LHCGR: variants seen among roughly 807,000 people sequenced by gnomAD.
LHCGR encodes lutropin-choriogonadotropic hormone receptor.
LHCGR carries 55 observed loss-of-function variants against 60.7 expected under a neutral mutation model. The ratio of observed to expected loss-of-function variants is 0.91; its 90% confidence interval spans 0.73 to 1.13. The LOEUF (loss-of-function observed/expected upper bound fraction) is 1.13, where lower values mean the gene tolerates loss of function less well. Ranked by LOEUF, LHCGR falls within the 50% of genes most tolerant of loss-of-function variation. The pLI, the probability that LHCGR is intolerant of heterozygous loss-of-function variation, is 0.00. For synonymous variants in LHCGR, 337 were observed against 316.5 expected (o/e 1.06, Z -0.69); for missense variants, 862 against 836.0 (o/e 1.03, Z -0.38).
intron 2 of LHCGR, among the ~76,000 whole-genome samples, chr2:48,730,196 A>C (rs1668928381): frequency 2.0e-5 from 3 of 152,236 alleles, no homozygotes. Context: ...TTTCTTAACA[A>C]CACAGGAATG....
At chr2:48,722,055 C>G (rs990292352) in intron 6 of LHCGR, among the ~76,000 whole-genome samples, 1 of 152,174 alleles carries the variant, frequency 6.6e-6, no homozygotes, top group South Asian at 2.1e-4. Context: ...GAGGCTGAGG[C>G]AGGAGAATCA....
chr2:48,697,834 A>C (rs552086055), intron 9 of LHCGR, among the ~76,000 whole-genome samples: 44 of 152,346 alleles, frequency 2.9e-4, no homozygotes, highest in South Asian at 8.3e-4. Flanking sequence ...AAATAAAAAA[A>C]GCATAAAATA....
chr2:48,716,541 T>C (rs945266687), intron 6 of LHCGR, among the ~76,000 whole-genome samples: 3 of 152,172 alleles, frequency 2.0e-5, no homozygotes, highest in African/African-American at 7.2e-5. Context: ...CTCTACCATG[T>C]TGGATTACTG....
intron 8 of LHCGR, among the ~76,000 whole-genome samples, chr2:48,707,803 G>A (rs1024263095): frequency 2.0e-5 from 3 of 152,198 alleles, no homozygotes; most frequent in Admixed American, 2.0e-4. Context: ...TTAGCTTGCT[G>A]GGCTCTGTGA....
intron 6 of LHCGR, chr2:48,720,248 G>C (rs972131054): frequency 1.3e-5 from 2 of 152,124 alleles, no homozygotes; most frequent in Admixed American, 1.3e-4. Context: ...GAGTCTCGTG[G>C]GGTGGCCCAG....
intron 8 of LHCGR, among the ~76,000 whole-genome samples, chr2:48,702,692 T>C (rs1382734118): frequency 6.6e-6 from 1 of 152,228 alleles, no homozygotes; most frequent in African/African-American, 2.4e-5. Context: ...TTCCAAGTCT[T>C]TGCTATTGTG....
In LHCGR at chr2:48,732,726, C is replaced by A. The variant is rs544294273; in HGVS notation, c.162-1428G>T. 2.0e-5 allele frequency among the ~76,000 whole-genome samples: 3 copies of A among 152,268 alleles called. No homozygotes were observed. The South Asian group carries it at 6.2e-4, about 32-fold the overall frequency. ...TTGCTTCTCCTGAGAGGAAGCATGTCACATTCGCTCTATTTCTTCTGCAAA... is the reference window on the plus strand; with the variant it reads ...TTGCTTCTCCTGAGAGGAAGCATGTAACATTCGCTCTATTTCTTCTGCAAA... On this transcript the variant is annotated intron_variant, in intron 1 of 10. Coordinates refer to ENST00000294954, the MANE Select transcript of LHCGR (RefSeq NM_000233.4).
chr2:48,748,787 G>A (rs1669820308), intron 1 of LHCGR, among the ~76,000 whole-genome samples: 1 of 151,944 alleles, frequency 6.6e-6, no homozygotes, highest in South Asian at 2.1e-4. Context: ...TCCCACTCAG[G>A]GACAGGAATC....
intron 1 of LHCGR, among the ~76,000 whole-genome samples, chr2:48,737,753 C>CT (rs1223897583): frequency 1.3e-5 from 2 of 152,212 alleles, no homozygotes; most frequent in African/African-American, 4.8e-5. Context: ...TTGGAACAGT[C>CT]TTTAAAAATA....
intron 1 of LHCGR, among the ~76,000 whole-genome samples, chr2:48,734,724 C>T (rs1324102460): frequency 1.3e-5 from 2 of 152,126 alleles, no homozygotes; most frequent in Admixed American, 1.3e-4. Flanking sequence ...GGCAAAAATG[C>T]CTAAGGCAAG....
Position 48,687,632 on chromosome 2 carries a change from T to C in LHCGR, c.*65A>G. ...ATCCAACCCTTTATGTTAAAATTAC[T>C]GGTACAGGTAATTTTTTTTTACAGG... On this transcript the variant is annotated 3_prime_UTR_variant, in exon 11 of 11. Transcript: ENST00000294954. 1.5e-6 allele frequency: 2 copies of C among 1,315,448 alleles called. No homozygotes were observed. The highest frequency in any genetic ancestry group is 2.2e-6 in the Non-Finnish European group (2 of 911,132). 81.5% of individuals were successfully genotyped at this position (1,315,448 alleles called of 1,614,324 possible).
chr2:48,746,215 G>C (rs1210466204), intron 1 of LHCGR, among the ~76,000 whole-genome samples: 1 of 152,172 alleles, frequency 6.6e-6, no homozygotes, highest in Non-Finnish European at 1.5e-5. Context: ...GGGTAGGGGT[G>C]GATAGGTTCC....
At chr2:48,708,368 G>A (rs1442002319) in intron 8 of LHCGR, among the ~76,000 whole-genome samples, 2 of 152,158 alleles carry the variant, frequency 1.3e-5, no homozygotes, top group African/African-American at 2.4e-5. Context: ...CATATTTGGT[G>A]TTAGGGGTTG....
intron 1 of LHCGR, among the ~76,000 whole-genome samples, chr2:48,752,491 C>G (rs1340767150): frequency 6.6e-6 from 1 of 151,816 alleles, no homozygotes; most frequent in Non-Finnish European, 1.5e-5. Flanking sequence ...AGACCACATC[C>G]TCTCCTCCTG....
chr2:48,708,791 T>C lies in LHCGR; in HGVS notation c.680+157A>G, dbSNP rs34594563. On this transcript the variant is annotated intron_variant, in intron 8 of 10. Transcript: ENST00000294954. ...CCTCTCGGTTTGGGGTACTTTATTA[T>C]GGCAGCTGTGATACACTTTGTCTTT... is the stretch of plus-strand genomic sequence containing the variant. 0.091 allele frequency: 66,656 copies of C among 733,776 alleles called. 3,982 individuals are homozygous for C. The highest frequency in any genetic ancestry group is 0.22 in the East Asian group (9,087 of 40,450). 45.5% of individuals were successfully genotyped at this position (733,776 alleles called of 1,614,324 possible).
Position 48,706,546 on chromosome 2 carries a change from C to G in LHCGR, c.680+2402G>C, listed in dbSNP as rs144986296. On this transcript the variant is annotated intron_variant, in intron 8 of 10. Coordinates refer to ENST00000294954, the MANE Select transcript of LHCGR (RefSeq NM_000233.4). ...TACACCAATCAAACGTAGATATGGTCTTTTAACATAGTCCCATATTTCTTG... is the reference window on the plus strand; with the variant it reads ...TACACCAATCAAACGTAGATATGGTGTTTTAACATAGTCCCATATTTCTTG... 2.1e-3 allele frequency among the ~76,000 whole-genome samples: 318 copies of G among 152,284 alleles called. 3 individuals are homozygous for G. Among genetic ancestry groups the G allele is most frequent in the African/African-American group, 7.2e-3 (301 of 41,548 alleles).
chr2:48,736,933 A>G (rs1669227085), intron 1 of LHCGR, among the ~76,000 whole-genome samples: 1 of 152,176 alleles, frequency 6.6e-6, no homozygotes, highest in East Asian at 1.9e-4. Context: ...TGCATAAAGC[A>G]AATTATAACT....
At chr2:48,691,787 A>C (rs549402487) in intron 10 of LHCGR, among the ~76,000 whole-genome samples, 3 of 149,776 alleles carry the variant, frequency 2.0e-5, no homozygotes, top group Non-Finnish European at 4.4e-5. Flanking sequence ...TGGAGGTTGC[A>C]GTGAGCTGAG....
chr2:48,700,823 G>T (rs2104397810), intron 8 of LHCGR, among the ~76,000 whole-genome samples: 1 of 152,308 alleles, frequency 6.6e-6, no homozygotes, highest in South Asian at 2.1e-4. Context: ...TAAGTAAACA[G>T]AAGTTATGGG....
Sources: allele counts gnomAD v4.1 joint callset (sites outside exome capture counted in the v4.1 genomes callset), GRCh38; gene constraint gnomAD v4.1.1; transcripts MANE v1.5; gene names NCBI Gene and HGNC (gene_info 2026-07-23, HGNC 2026-07-21).